Variants in OSBPL1A observed in about 807,000 individuals in gnomAD.
OSBPL1A encodes the protein oxysterol binding protein like 1A, also known as oxysterol-binding protein-related protein 1.
In OSBPL1A, 80 loss-of-function variants were observed where a neutral mutation model predicts 137.1. The observed-to-expected ratio is 0.58, with a 90% CI of 0.49 to 0.70. The LOEUF (loss-of-function observed/expected upper bound fraction) is 0.70. Ranked by LOEUF, OSBPL1A falls within the 30% of genes least tolerant of loss-of-function variation. The probability of loss-of-function intolerance (pLI) is 0.00; values close to 1 mark genes in which losing one functional copy is unlikely to be tolerated. For synonymous variants in OSBPL1A, 365 were observed against 389.7 expected (o/e 0.94, Z 0.75); for missense variants, 970 against 1,129.4 (o/e 0.86, Z 2.02).
intron 15 of OSBPL1A, among the ~76,000 whole-genome samples, chr18:24,256,686 A>C (rs1309337142): frequency 6.6e-6 from 1 of 152,192 alleles, no homozygotes. Flanking sequence ...CCTTGTTTGC[A>C]GATGATATGA....
chr18:24,381,320 C>T (rs770707033), intron 1 of OSBPL1A, among the ~76,000 whole-genome samples: 2 of 152,166 alleles, frequency 1.3e-5, no homozygotes, highest in African/African-American at 4.8e-5. Context: ...GGTGGTCAGA[C>T]ACCACCTGGG....
Position 24,163,056 on chromosome 18 carries a change from A to C in OSBPL1A, c.*123T>G. 4 of 651,410 alleles carry C rather than the reference A, an allele frequency of 6.1e-6. No individual in the cohort carries two copies. The highest frequency in any genetic ancestry group is 7.6e-6 in the Non-Finnish European group (3 of 393,366). The allele number at this position is 651,410 out of a possible 1,614,324, so 40.4% of individuals were successfully genotyped here. A position where few individuals can be genotyped will look rare whatever the true frequency, so the allele number is the denominator to read the frequency against. On this transcript the variant is annotated 3_prime_UTR_variant, in exon 28 of 28. Transcript: ENST00000319481. ...TGCTTTTGTTGGGTGAAATGCAGTT[A>C]TCTCATGAGTGTTTTTTCATTTTTT... is the stretch of plus-strand genomic sequence containing the variant.
intron 22 of OSBPL1A, 121 bp downstream of exon 22, chr18:24,172,254 TA>T: frequency 1.3e-6 from 1 of 753,314 alleles, no homozygotes; most frequent in Non-Finnish European, 2.2e-6. Context: ...GCATGATTCT[TA>T]AATTTTCATC....
chr18:24,328,671 G>A (rs575231952), intron 7 of OSBPL1A, among the ~76,000 whole-genome samples: 1 of 152,214 alleles, frequency 6.6e-6, no homozygotes, highest in Admixed American at 6.5e-5. Flanking sequence ...GAGCCTCCAG[G>A]ACAGTTCATT....
intron 18 of OSBPL1A, 38 bp from the exon 19 acceptor site, chr18:24,181,317 T>C (rs765043144): frequency 1.9e-6 from 3 of 1,597,800 alleles, no homozygotes; most frequent in Admixed American, 3.4e-5. Flanking sequence ...ATGTCCCATA[T>C]ACATAACAAA....
At chr18:24,337,424 A>ATAACATAACATAAC (rs1568036788) in intron 5 of OSBPL1A, among the ~76,000 whole-genome samples, 51 of 60,792 alleles carry the variant, frequency 8.4e-4, no homozygotes, top group African/African-American at 4.6e-3. Context: ...CATAACATAA[A>ATAACATAACATAAC]GCCAGGCATG....
Position 24,162,569 on chromosome 18 carries a change from GTTTAA to G in OSBPL1A, c.*605_*609del, listed in dbSNP as rs1268467484. 6.6e-6 allele frequency: 1 copy of G among 152,148 alleles called. No individual in the cohort carries two copies. Among genetic ancestry groups the G allele is most frequent in the African/African-American group, 2.4e-5 (1 of 41,424 alleles). 9.4% of individuals were successfully genotyped at this position (152,148 alleles called of 1,614,324 possible). A position where few individuals can be genotyped will look rare whatever the true frequency, so the allele number is the denominator to read the frequency against. On this transcript the variant is annotated 3_prime_UTR_variant, in exon 28 of 28. Coordinates refer to ENST00000319481, the MANE Select transcript of OSBPL1A (RefSeq NM_080597.4). Reference sequence around the variant, plus strand: ...ACTAAGTAAATGAAATACTTTTCCAGTTTAATTCTTTAGAATTTTCAAATCAGAAA... The same window carrying G: ...ACTAAGTAAATGAAATACTTTTCCAGTTCTTTAGAATTTTCAAATCAGAAA...
At chr18:24,198,495 C>G (rs1404915101) in intron 17 of OSBPL1A, among the ~76,000 whole-genome samples, 1 of 152,082 alleles carries the variant, frequency 6.6e-6, no homozygotes, top group African/African-American at 2.4e-5. Context: ...CAGAACATAA[C>G]CAGAAAGCAG....
At chr18:24,168,335 A>G (rs568860893) in intron 24 of OSBPL1A, among the ~76,000 whole-genome samples, 1 of 152,332 alleles carries the variant, frequency 6.6e-6, no homozygotes, top group Non-Finnish European at 1.5e-5. Flanking sequence ...CCAGAGAGGA[A>G]CAATCTGAGA....
At chr18:24,270,515 T>G (rs2089692243) in intron 15 of OSBPL1A, among the ~76,000 whole-genome samples, 1 of 152,158 alleles carries the variant, frequency 6.6e-6, no homozygotes, top group Admixed American at 6.5e-5. Flanking sequence ...GCAACTATAT[T>G]CAGGCTGATA....
At chr18:24,259,637 T>C (rs1388821954) in intron 15 of OSBPL1A, among the ~76,000 whole-genome samples, 1 of 152,202 alleles carries the variant, frequency 6.6e-6, no homozygotes, top group Non-Finnish European at 1.5e-5. Context: ...TCATTTTCTT[T>C]ACAGTGAAAG....
chr18:24,250,678 A>G (rs1395815355), intron 15 of OSBPL1A, among the ~76,000 whole-genome samples: 1 of 152,162 alleles, frequency 6.6e-6, no homozygotes, highest in African/African-American at 2.4e-5. Context: ...CCAACACATT[A>G]CCAGCTGTGG....
At chr18:24,393,977 C>T (rs1033520603) in intron 1 of OSBPL1A, among the ~76,000 whole-genome samples, 2 of 152,024 alleles carry the variant, frequency 1.3e-5, no homozygotes, top group Non-Finnish European at 2.9e-5. Flanking sequence ...TAACCTGTAT[C>T]GTTTTAAGTT....
intron 5 of OSBPL1A, among the ~76,000 whole-genome samples, chr18:24,338,185 G>C (rs1432529357): frequency 6.6e-6 from 1 of 150,946 alleles, no homozygotes; most frequent in East Asian, 2.0e-4. Flanking sequence ...TGATTCTCCT[G>C]CCTCAGCTTC....
chr18:24,170,195 GA>G (rs1385789172), intron 24 of OSBPL1A, 131 bp downstream of exon 24: 10 of 1,064,106 alleles, frequency 9.4e-6, no homozygotes, highest in Non-Finnish European at 1.2e-5. Context: ...ATTAAAAAGA[GA>G]AAAGTGACAT....
intron 14 of OSBPL1A, among the ~76,000 whole-genome samples, chr18:24,289,088 A>G (rs903809519): frequency 6.6e-6 from 1 of 152,152 alleles, no homozygotes; most frequent in African/African-American, 2.4e-5. Context: ...ATTTTTAGGG[A>G]TGAAGAACAG....
chr18:24,253,443 A>G (rs995080981), intron 15 of OSBPL1A, among the ~76,000 whole-genome samples: 9 of 152,206 alleles, frequency 5.9e-5, no homozygotes, highest in Admixed American at 1.3e-4. Context: ...TAACCGCCCA[A>G]TGGGCTCACC....
chr18:24,188,922 G>T (rs887011268), intron 18 of OSBPL1A, among the ~76,000 whole-genome samples: 5 of 152,092 alleles, frequency 3.3e-5, no homozygotes, highest in Non-Finnish European at 7.4e-5. Flanking sequence ...TCTAGATAAT[G>T]TATACAACCA....
chr18:24,365,108 T>C (rs994561719), intron 4 of OSBPL1A, among the ~76,000 whole-genome samples: 20 of 147,756 alleles, frequency 1.4e-4, no homozygotes, highest in African/African-American at 4.2e-4. Context: ...GGCAATACAA[T>C]GCAAAAAGAT....
Sources: gnomAD v4.1 joint callset for allele counts (sites outside exome capture counted in the v4.1 genomes callset) on GRCh38, gnomAD v4.1.1 for gene constraint, MANE v1.5 for transcripts, NCBI Gene and HGNC (gene_info 2026-07-23, HGNC 2026-07-21) for gene names.